The following SH3PXD2A variants were observed in gnomAD, a reference collection of about 807,000 sequenced individuals.
The protein encoded by SH3PXD2A is SH3 and PX domain-containing protein 2A.
SH3PXD2A carries 32 observed loss-of-function variants against 115.2 expected under a neutral mutation model. The ratio of observed to expected loss-of-function variants is 0.28; its 90% CI spans 0.21 to 0.37. The LOEUF (loss-of-function observed/expected upper bound fraction) is 0.37, where lower values mean the gene tolerates loss of function less well. Ranked by LOEUF, SH3PXD2A falls within the 10% of genes least tolerant of loss-of-function variation. The pLI, the probability that SH3PXD2A is intolerant of heterozygous loss-of-function variation, is 1.00. For missense variants in SH3PXD2A, 1,328 were observed against 1,498.7 expected, an observed-to-expected ratio of 0.89 and a Z score of 1.88; for synonymous variants, 610 against 629.1, an observed-to-expected ratio of 0.97 and a Z score of 0.45.
chr10:103,743,417 G>A (rs1490312997), intron 3 of SH3PXD2A, among the ~76,000 whole-genome samples: 1 of 152,014 alleles, frequency 6.6e-6, no homozygotes. Flanking sequence ...TTTGAGAGAG[G>A]ATCTCATCTG....
chr10:103,649,375 G>A (rs2037085117), intron 8 of SH3PXD2A, among the ~76,000 whole-genome samples: 1 of 152,176 alleles, frequency 6.6e-6, no homozygotes, highest in Admixed American at 6.5e-5. Context: ...TTAGAGTCTG[G>A]GTTGACCAAG....
intron 2 of SH3PXD2A, among the ~76,000 whole-genome samples, chr10:103,779,212 G>C (rs2134238993): frequency 6.6e-6 from 1 of 152,332 alleles, no homozygotes; most frequent in Non-Finnish European, 1.5e-5. Context: ...GGGATTACAG[G>C]CACCTGCCAC....
In SH3PXD2A at chr10:103,690,614, C is replaced by T. The variant is rs2037738778; in HGVS notation, c.427+2414G>A. Reference sequence around the variant, plus strand: ...GCTAGCCTGCATTATGGAGAGTAATCTGCTTTACTCAAAATCCACTGATTT... The same window carrying T: ...GCTAGCCTGCATTATGGAGAGTAATTTGCTTTACTCAAAATCCACTGATTT... On this transcript the variant is annotated intron_variant, in intron 6 of 14. Transcript: ENST00000369774. Among the ~76,000 whole-genome samples, 4 of 152,272 alleles carry T rather than the reference C, an allele frequency of 2.6e-5. No homozygotes were observed. In the South Asian group the frequency reaches 8.3e-4, roughly 32 times the overall value.
chr10:103,817,452 T>C (rs2039336305), intron 1 of SH3PXD2A, among the ~76,000 whole-genome samples: 1 of 152,210 alleles, frequency 6.6e-6, no homozygotes, highest in Non-Finnish European at 1.5e-5. Flanking sequence ...GCAATTCTCC[T>C]GCCTCAGCCT....
rs182377479 is a variant in SH3PXD2A, at chr10:103,626,351, T to C, written c.718+738A>G. ...TCCCTCTGGCTTTCAGACATCCATC[T>C]GGACCATCCCCACCAACCGTTAGGG... On this transcript the variant is annotated intron_variant, in intron 9 of 14. Transcript: ENST00000369774. Among the ~76,000 whole-genome samples the C allele has an allele frequency of 6.0e-4, 91 of 152,348 alleles. 2 individuals carry two copies. The South Asian group carries it at 8.7e-3, about 15-fold the overall frequency.
intron 1 of SH3PXD2A, among the ~76,000 whole-genome samples, chr10:103,834,910 T>C (rs949916533): frequency 1.3e-5 from 2 of 152,228 alleles, no homozygotes; most frequent in Admixed American, 1.3e-4. Context: ...TGAACCAACA[T>C]GCAAGTTAAT....
intron 6 of SH3PXD2A, among the ~76,000 whole-genome samples, chr10:103,688,024 A>G (rs57694670): frequency 0.37 from 55,789 of 151,916 alleles, 10,683 homozygotes; most frequent in East Asian, 0.54. Flanking sequence ...CATCACCCAC[A>G]GCAGACTGCA....
chr10:103,771,620 A>T (rs2038820777), intron 2 of SH3PXD2A, among the ~76,000 whole-genome samples: 1 of 152,076 alleles, frequency 6.6e-6, no homozygotes, highest in African/African-American at 2.4e-5. Flanking sequence ...GGTGGTGCAC[A>T]TCTGTAGTCC....
At chr10:103,773,146 C>G (rs998242783) in intron 2 of SH3PXD2A, among the ~76,000 whole-genome samples, 1 of 150,354 alleles carries the variant, frequency 6.7e-6, no homozygotes, top group African/African-American at 2.4e-5. Context: ...ATCGCTTGAG[C>G]CTGGCAGGCG....
chr10:103,709,218 A>G (rs796195609), intron 5 of SH3PXD2A, among the ~76,000 whole-genome samples: 86 of 152,196 alleles, frequency 5.7e-4, no homozygotes, highest in Middle Eastern at 6.8e-3. Flanking sequence ...GGATGCTCCA[A>G]ATGCTCCAAG....
rs79615908 is a variant in SH3PXD2A, at chr10:103,762,014, CTTTTTTTTTTTT to C, written c.229+5068_229+5079del. 5.0e-3 allele frequency among the ~76,000 whole-genome samples: 453 copies of C among 90,718 alleles called. 7 individuals are homozygous for C. The highest frequency in any genetic ancestry group is 0.025 in the Middle Eastern group (4 of 158). The allele number at this position is 90,718 out of a possible 152,430, so 59.5% of individuals were successfully genotyped here. A position where few individuals can be genotyped will look rare whatever the true frequency, so the allele number is the denominator to read the frequency against. On this transcript the variant is annotated intron_variant, in intron 3 of 14. Transcript: ENST00000369774. Reference sequence around the variant, plus strand: ...CACACACTAGGAGCAATCAACACGTCTTTTTTTTTTTTTTTTTTTTTTTTTTGATACAGAGTC... The same window carrying C: ...CACACACTAGGAGCAATCAACACGTCTTTTTTTTTTTTTTGATACAGAGTC...
intron 7 of SH3PXD2A, among the ~76,000 whole-genome samples, chr10:103,664,783 C>A (rs1006410185): frequency 1.3e-5 from 2 of 151,926 alleles, no homozygotes; most frequent in Non-Finnish European, 2.9e-5. Context: ...TCTCCAGCCT[C>A]AGCCTCCCGA....
chr10:103,647,830 T>C (rs918448197), intron 8 of SH3PXD2A, among the ~76,000 whole-genome samples: 15 of 152,072 alleles, frequency 9.9e-5, no homozygotes, highest in African/African-American at 3.1e-4. Context: ...ATGCCAGTGC[T>C]CCGGAGCAGC....
In SH3PXD2A at chr10:103,602,184, C is replaced by A; in HGVS notation, c.3034G>T (p.Val1012Phe). 1 of 1,575,328 alleles carries A rather than the reference C, an allele frequency of 6.3e-7. No homozygotes were observed. Among genetic ancestry groups the A allele is most frequent in the South Asian group, 1.2e-5 (1 of 84,196 alleles). The change falls in exon 15 of 15, where the codon GTC (valine) becomes TTC (phenylalanine). Residue 1012 changes from valine to phenylalanine, a missense_variant. By Grantham distance (50) the Val-to-Phe change is conservative (BLOSUM62 -1). Coordinates refer to ENST00000369774, the MANE Select transcript of SH3PXD2A (RefSeq NM_001394015.1). ...GTGCTAAAGGAGGAGTTCCGTCGGACGCCTCGGAGGCCATCAGTGGCCGTG... is the reference window on the plus strand; with the variant it reads ...GTGCTAAAGGAGGAGTTCCGTCGGAAGCCTCGGAGGCCATCAGTGGCCGTG... ...SLTATDGLRG[V>F]RRNSSFSTAR...
chr10:103,619,333 C>T (rs146136421), intron 10 of SH3PXD2A, among the ~76,000 whole-genome samples: 5 of 152,302 alleles, frequency 3.3e-5, no homozygotes, highest in East Asian at 3.9e-4. Flanking sequence ...AGCTCAGCGG[C>T]GGCCAGAGGG....
intron 5 of SH3PXD2A, among the ~76,000 whole-genome samples, chr10:103,708,688 C>A (rs2038011171): frequency 6.6e-6 from 1 of 152,202 alleles, no homozygotes; most frequent in Admixed American, 6.5e-5. Flanking sequence ...ACTGCTTGAG[C>A]CGCAATCCTC....
chr10:103,625,537 C>G (rs1374630097), intron 9 of SH3PXD2A, among the ~76,000 whole-genome samples: 2 of 152,246 alleles, frequency 1.3e-5, no homozygotes, highest in African/African-American at 2.4e-5. Context: ...AGGACCTGGT[C>G]TAGCATCTGG....
intron 5 of SH3PXD2A, among the ~76,000 whole-genome samples, chr10:103,723,593 C>A (rs1256900267): frequency 6.6e-6 from 1 of 152,114 alleles, no homozygotes; most frequent in Non-Finnish European, 1.5e-5. Context: ...AACATGGAAA[C>A]ATTAGCCAGC....
Position 103,784,596 on chromosome 10 carries a change from C to T in SH3PXD2A, c.153+16686G>A, listed in dbSNP as rs915920128. ...GAAAACATTCCTAATTACAAATAAA[C>T]ACTGGAGAGAAGCTGCAGCACAGAG... is the stretch of plus-strand genomic sequence containing the variant. On this transcript the variant is annotated intron_variant, in intron 2 of 14. Coordinates refer to ENST00000369774, the MANE Select transcript of SH3PXD2A (RefSeq NM_001394015.1). This position sits in a 1 kb window ranked among gnomAD's most constrained non-coding sequence, Gnocchi z 4.4. 3.9e-5 allele frequency among the ~76,000 whole-genome samples: 6 copies of T among 152,138 alleles called. No homozygotes were observed. The highest frequency in any genetic ancestry group is 7.2e-5 in the African/African-American group (3 of 41,406).
Sources: gnomAD v4.1 joint callset for allele counts (sites outside exome capture counted in the v4.1 genomes callset) on GRCh38, gnomAD v4.1.1 for gene constraint, Gnocchi (gnomAD v3.1) non-coding constraint, MANE v1.5 for transcripts, NCBI Gene and HGNC (gene_info 2026-07-23, HGNC 2026-07-21) for gene names.